Variants in RCAN2 observed in about 807,000 individuals in gnomAD.
The protein encoded by RCAN2 is regulator of calcineurin 2.
RCAN2 carries 9 observed loss-of-function variants against 23.6 expected under a neutral mutation model. The ratio of observed to expected loss-of-function variants is 0.38; its 90% CI spans 0.23 to 0.67. The LOEUF is 0.67. Ranked by LOEUF, RCAN2 falls within the 30% of genes least tolerant of loss-of-function variation. RCAN2 has a pLI of 0.51. For missense variants in RCAN2, 273 were observed against 302.3 expected (o/e 0.90, Z 0.72); for synonymous variants, 109 against 115.7 (o/e 0.94, Z 0.37).
intron 2 of RCAN2, among the ~76,000 whole-genome samples, chr6:46,411,705 A>G (rs1163291435): frequency 6.6e-6 from 1 of 152,186 alleles, no homozygotes; most frequent in Non-Finnish European, 1.5e-5. Flanking sequence ...ATCTCTAAGG[A>G]TGAGTCAGTG....
intron 1 of RCAN2, among the ~76,000 whole-genome samples, chr6:46,475,766 T>C (rs1457197767): frequency 6.6e-6 from 1 of 152,156 alleles, no homozygotes; most frequent in Non-Finnish European, 1.5e-5. Flanking sequence ...AGTCAGGAGT[T>C]ATGTTTATTC....
intron 2 of RCAN2, among the ~76,000 whole-genome samples, chr6:46,254,692 T>C (rs1232971347): frequency 1.3e-5 from 2 of 152,062 alleles, no homozygotes; most frequent in Non-Finnish European, 1.5e-5. Flanking sequence ...GAAGAGATAG[T>C]AAGGATATGT....
At chr6:46,230,481 G>T (rs1461532002) in intron 4 of RCAN2, among the ~76,000 whole-genome samples, 1 of 152,148 alleles carries the variant, frequency 6.6e-6, no homozygotes, top group Non-Finnish European at 1.5e-5. Context: ...AATGGTGGAT[G>T]CCCCTCCTCA....
chr6:46,251,973 A>G (rs190358751), intron 2 of RCAN2, among the ~76,000 whole-genome samples: 67 of 152,292 alleles, frequency 4.4e-4, no homozygotes, highest in Non-Finnish European at 7.8e-4. Context: ...TATGGGGCTT[A>G]AAGTCCACAA....
At chr6:46,231,291 A>G (rs553600525) in intron 4 of RCAN2, among the ~76,000 whole-genome samples, 2 of 152,304 alleles carry the variant, frequency 1.3e-5, no homozygotes, top group African/African-American at 4.8e-5. Flanking sequence ...CAGGCCAGGA[A>G]CAGATCCTTT....
chr6:46,477,409 C>T (rs1185574656), intron 1 of RCAN2, among the ~76,000 whole-genome samples: 2 of 151,980 alleles, frequency 1.3e-5, no homozygotes, highest in East Asian at 3.9e-4. Context: ...GTATAAAAAC[C>T]ACAGATGTTG....
intron 1 of RCAN2, among the ~76,000 whole-genome samples, chr6:46,481,775 G>GA (rs11390307): frequency 0.69 from 104,226 of 151,778 alleles, 35,772 homozygotes; most frequent in South Asian, 0.78. Flanking sequence ...TTGCAACTAG[G>GA]AAAAAAATGC....
intron 2 of RCAN2, among the ~76,000 whole-genome samples, chr6:46,258,949 A>T (rs971855186): frequency 5.9e-5 from 9 of 152,214 alleles, no homozygotes; most frequent in African/African-American, 1.9e-4. Context: ...GCGGGGGTGA[A>T]TCCAAGTATT....
At chr6:46,319,440 G>T (rs1260049855) in intron 2 of RCAN2, among the ~76,000 whole-genome samples, 3 of 152,134 alleles carry the variant, frequency 2.0e-5, no homozygotes, top group Non-Finnish European at 4.4e-5. Flanking sequence ...ATTTAGGTTA[G>T]AGGTAGCAAC....
intron 1 of RCAN2, among the ~76,000 whole-genome samples, chr6:46,473,183 T>C (rs1014637313): frequency 3.9e-5 from 6 of 152,228 alleles, no homozygotes; most frequent in Non-Finnish European, 7.3e-5. Context: ...ATGTGGTCTC[T>C]TATTAATTTG....
chr6:46,339,298 A>G (rs1308382250), intron 2 of RCAN2, among the ~76,000 whole-genome samples: 1 of 152,166 alleles, frequency 6.6e-6, no homozygotes, highest in African/African-American at 2.4e-5. Context: ...AAAATACAGT[A>G]GGAGCATAGG....
intron 2 of RCAN2, among the ~76,000 whole-genome samples, chr6:46,329,282 A>T (rs1404073138): frequency 6.6e-6 from 1 of 152,146 alleles, no homozygotes; most frequent in Non-Finnish European, 1.5e-5. Context: ...CTAAAATAAA[A>T]ATTGTGTGCA....
intron 2 of RCAN2, among the ~76,000 whole-genome samples, chr6:46,273,884 G>C (rs1431972143): frequency 6.6e-6 from 1 of 151,510 alleles, no homozygotes; most frequent in African/African-American, 2.4e-5. Context: ...ATCATGAGTT[G>C]TGTGTTTCTT....
intron 2 of RCAN2, among the ~76,000 whole-genome samples, chr6:46,272,414 T>A (rs1767550891): frequency 6.6e-6 from 1 of 152,200 alleles, no homozygotes; most frequent in Non-Finnish European, 1.5e-5. Flanking sequence ...TTATTGTGCT[T>A]CTTTAAAGAG....
chr6:46,434,316 T>G (rs1239324007), intron 2 of RCAN2, among the ~76,000 whole-genome samples: 1 of 152,204 alleles, frequency 6.6e-6, no homozygotes, highest in East Asian at 1.9e-4. Flanking sequence ...TCTGGTGTCC[T>G]GAGAGTGGGT....
intron 2 of RCAN2, among the ~76,000 whole-genome samples, chr6:46,329,261 T>C (rs1763887018): frequency 7.2e-5 from 11 of 152,168 alleles, no homozygotes. Context: ...GGAAAAGTAT[T>C]CCCCAATCAG....
At chr6:46,454,985 A>T (rs1767977302) in intron 2 of RCAN2, among the ~76,000 whole-genome samples, 1 of 152,238 alleles carries the variant, frequency 6.6e-6, no homozygotes, top group South Asian at 2.1e-4. Flanking sequence ...GTATTTAATC[A>T]GGAAAGAATG....
intron 2 of RCAN2, among the ~76,000 whole-genome samples, chr6:46,283,651 G>A (rs569392561): frequency 1.3e-5 from 2 of 152,180 alleles, no homozygotes; most frequent in Non-Finnish European, 1.5e-5. Context: ...ATTCAGGACT[G>A]CCTTGATGGT....
At chr6:46,401,849 G>C (rs1582172225) in intron 2 of RCAN2, among the ~76,000 whole-genome samples, 1 of 152,124 alleles carries the variant, frequency 6.6e-6, no homozygotes, top group African/African-American at 2.4e-5. Context: ...ATAATGGGGG[G>C]AGACTAACTG....
Sources: gnomAD v4.1 joint callset for allele counts (sites outside exome capture counted in the v4.1 genomes callset) on GRCh38, gnomAD v4.1.1 for gene constraint, MANE v1.5 for transcripts, NCBI Gene and HGNC (gene_info 2026-07-23, HGNC 2026-07-21) for gene names.